GRM7: variants seen among roughly 807,000 people sequenced by gnomAD.
The protein encoded by GRM7 is metabotropic glutamate receptor 7.
GRM7 carries 35 observed loss-of-function variants against 84.5 expected under a neutral mutation model. That is an observed-to-expected ratio of 0.41 (90% CI 0.32 to 0.55). The LOEUF (loss-of-function observed/expected upper bound fraction) is 0.55, where lower values mean the gene tolerates loss of function less well. Ranked by LOEUF, GRM7 falls within the 20% of genes least tolerant of loss-of-function variation. GRM7 has a pLI of 0.19. For synonymous variants in GRM7, 487 were observed against 455.1 expected (o/e 1.07, Z -0.89); for missense variants, 1,003 against 1,194.6 (o/e 0.84, Z 2.36).
intron 1 of GRM7, among the ~76,000 whole-genome samples, chr3:6,924,646 C>T (rs897994867): frequency 2.0e-5 from 3 of 151,820 alleles, no homozygotes; most frequent in African/African-American, 7.2e-5. Context: ...CAACTCCATG[C>T]CAATGAGTAG....
chr3:7,426,973 C>T (rs912053579), intron 5 of GRM7, among the ~76,000 whole-genome samples: 1 of 152,194 alleles, frequency 6.6e-6, no homozygotes, highest in East Asian at 1.9e-4. Flanking sequence ...CCTAAAGGTG[C>T]TCAGCTTGCT....
chr3:7,196,931 T>C (rs1373003347), intron 2 of GRM7, among the ~76,000 whole-genome samples: 1 of 152,128 alleles, frequency 6.6e-6, no homozygotes, highest in African/African-American at 2.4e-5. Context: ...CAAATGAAGC[T>C]CATGATCATT....
At chr3:7,666,960 G>A (rs9848613) in intron 8 of GRM7, among the ~76,000 whole-genome samples, 14,796 of 152,028 alleles carry the variant, frequency 0.097, 1,226 homozygotes, top group African/African-American at 0.22. Flanking sequence ...GTTGCACAGC[G>A]AATGCCCTAT....
At chr3:7,521,888 G>A (rs546412813) in intron 7 of GRM7, among the ~76,000 whole-genome samples, 1 of 152,238 alleles carries the variant, frequency 6.6e-6, no homozygotes, top group South Asian at 2.1e-4. Context: ...AATTCTGAAT[G>A]GATTGAAGAG....
At chr3:7,259,675 A>T (rs917556114) in intron 2 of GRM7, among the ~76,000 whole-genome samples, 1 of 152,168 alleles carries the variant, frequency 6.6e-6, no homozygotes, top group South Asian at 2.1e-4. Context: ...CAGTTTCTTT[A>T]TTCAGTATAC....
intron 5 of GRM7, among the ~76,000 whole-genome samples, chr3:7,428,226 A>C (rs1437993851): frequency 6.6e-6 from 1 of 152,076 alleles, no homozygotes; most frequent in African/African-American, 2.4e-5. Flanking sequence ...TTCAATGACT[A>C]GTTATTTTGT....
At chr3:7,628,104 C>T (rs1697700929) in intron 8 of GRM7, among the ~76,000 whole-genome samples, 2 of 152,170 alleles carry the variant, frequency 1.3e-5, no homozygotes, top group South Asian at 2.1e-4. Context: ...CAAAGCACAG[C>T]TCTCAAAATC....
At chr3:7,180,072 A>G (rs530450562) in intron 2 of GRM7, among the ~76,000 whole-genome samples, 1 of 152,202 alleles carries the variant, frequency 6.6e-6, no homozygotes, top group South Asian at 2.1e-4. Context: ...TTTTATTAGC[A>G]TCTGACTTTC....
At chr3:7,489,516 G>T (rs1467156401) in intron 7 of GRM7, among the ~76,000 whole-genome samples, 2 of 152,164 alleles carry the variant, frequency 1.3e-5, no homozygotes, top group African/African-American at 4.8e-5. Flanking sequence ...CTTTCATCCT[G>T]CATTGTAAAG....
chr3:7,437,623 G>A (rs1025324692), intron 5 of GRM7, among the ~76,000 whole-genome samples: 2 of 151,648 alleles, frequency 1.3e-5, no homozygotes, highest in East Asian at 1.9e-4. Flanking sequence ...TTCTAAAATT[G>A]CATCTTGCCT....
chr3:7,272,633 C>T (rs1698908068), intron 2 of GRM7, among the ~76,000 whole-genome samples: 1 of 152,086 alleles, frequency 6.6e-6, no homozygotes, highest in Non-Finnish European at 1.5e-5. Flanking sequence ...AATTTCTAGG[C>T]ACAGAGTTGT....
intron 8 of GRM7, among the ~76,000 whole-genome samples, chr3:7,648,495 A>G (rs9838187): frequency 0.12 from 17,599 of 151,722 alleles, 1,931 homozygotes; most frequent in African/African-American, 0.29. Context: ...AAAAAATACA[A>G]AAAGTTAGCT....
chr3:7,530,170 A>C, intron 7 of GRM7, among the ~76,000 whole-genome samples: 1 of 144,156 alleles, frequency 6.9e-6, no homozygotes, highest in Non-Finnish European at 1.5e-5. Flanking sequence ...TCAACTCCCA[A>C]TTATAAGTGA....
At chr3:7,474,527 T>C (rs1214374311) in intron 7 of GRM7, among the ~76,000 whole-genome samples, 1 of 151,948 alleles carries the variant, frequency 6.6e-6, no homozygotes, top group Non-Finnish European at 1.5e-5. Context: ...GATCCCTCAG[T>C]TGTGCACATA....
At chr3:7,004,810 C>T (rs980481509) in intron 1 of GRM7, among the ~76,000 whole-genome samples, 1 of 152,104 alleles carries the variant, frequency 6.6e-6, no homozygotes, top group Admixed American at 6.5e-5. Flanking sequence ...AAATGCACTG[C>T]CTTATTGGAT....
chr3:7,013,047 C>A (rs1695434703), intron 1 of GRM7, among the ~76,000 whole-genome samples: 1 of 151,822 alleles, frequency 6.6e-6, no homozygotes. Flanking sequence ...ACCTTCCTGA[C>A]AACCCCCAGT....
chr3:6,997,154 C>T (rs7623059), intron 1 of GRM7, among the ~76,000 whole-genome samples: 13 of 151,686 alleles, frequency 8.6e-5, no homozygotes, highest in African/African-American at 3.1e-4. Context: ...TATTTCTTTT[C>T]TTTTTTTTAA....
chr3:7,497,603 C>A (rs1699751282), intron 7 of GRM7, among the ~76,000 whole-genome samples: 1 of 152,106 alleles, frequency 6.6e-6, no homozygotes, highest in Non-Finnish European at 1.5e-5. Flanking sequence ...TCATGTAATT[C>A]TTTTGTGCCC....
chr3:7,109,728 G>C (rs1321789717), intron 1 of GRM7, among the ~76,000 whole-genome samples: 1 of 152,074 alleles, frequency 6.6e-6, no homozygotes, highest in Non-Finnish European at 1.5e-5. Context: ...TCACTTGCCA[G>C]TAAAAGAACA....
Sources: allele counts gnomAD v4.1 joint callset (sites outside exome capture counted in the v4.1 genomes callset), GRCh38; gene constraint gnomAD v4.1.1; transcripts MANE v1.5; gene names NCBI Gene and HGNC (gene_info 2026-07-23, HGNC 2026-07-21).